The following ERC1 variants were observed in gnomAD, a reference collection of about 807,000 sequenced individuals.
The protein encoded by ERC1 is RAB6 interacting protein 2.
In ERC1, 56 loss-of-function variants were observed where a neutral mutation model predicts 132.0. The ratio of observed to expected loss-of-function variants is 0.42; its 90% CI spans 0.34 to 0.53. ERC1 has a LOEUF of 0.53. ERC1 is among the 20% of genes least tolerant of loss of function. ERC1 has a pLI of 0.03. For missense variants in ERC1, 1,202 were observed against 1,349.9 expected, an observed-to-expected ratio of 0.89 and a Z score of 1.72; for synonymous variants, 478 against 476.1, an observed-to-expected ratio of 1.00 and a Z score of -0.05.
chr12:1,462,169 T>C (rs1453430912), intron 18 of ERC1, among the ~76,000 whole-genome samples: 1 of 152,160 alleles, frequency 6.6e-6, no homozygotes, highest in Non-Finnish European at 1.5e-5. Flanking sequence ...CTAAAATAGC[T>C]AAAATTAACA....
At chr12:1,454,605 A>T (rs7964297) in intron 18 of ERC1, among the ~76,000 whole-genome samples, 16,532 of 152,050 alleles carry the variant, frequency 0.11, 3,033 homozygotes, top group African/African-American at 0.38. Context: ...AGTTGTGCCG[A>T]CTCTGTGAGA....
At chr12:1,229,496 T>TA (rs572139895) in intron 12 of ERC1, among the ~76,000 whole-genome samples, 68 of 151,526 alleles carry the variant, frequency 4.5e-4, no homozygotes, top group Admixed American at 1.1e-3. Context: ...GAATCTCTTT[T>TA]AAAAAAAAAG....
intron 8 of ERC1, among the ~76,000 whole-genome samples, chr12:1,170,082 GAAA>G (rs540807965): frequency 3.3e-5 from 5 of 152,120 alleles, no homozygotes; most frequent in African/African-American, 1.2e-4. Context: ...GCTATAAAAA[GAAA>G]AAAATCTGTG....
intron 18 of ERC1, chr12:1,481,027 C>A: frequency 1.7e-6 from 1 of 598,006 alleles, no homozygotes; most frequent in Non-Finnish European, 3.0e-6. Context: ...TACATATATA[C>A]CTGAGATAAA....
chr12:1,196,649 A>G (rs1956266035), intron 12 of ERC1, among the ~76,000 whole-genome samples: 1 of 151,650 alleles, frequency 6.6e-6, no homozygotes, highest in Non-Finnish European at 1.5e-5. Flanking sequence ...ACACACCACC[A>G]TGCCCAGCTA....
At chr12:1,358,468 G>A (rs2085756192) in intron 15 of ERC1, among the ~76,000 whole-genome samples, 2 of 152,122 alleles carry the variant, frequency 1.3e-5, no homozygotes, top group African/African-American at 4.8e-5. Flanking sequence ...TCTTGGCAAG[G>A]ATGTAGGGAA....
intron 1 of ERC1, among the ~76,000 whole-genome samples, chr12:1,017,495 A>ATTTTTTTTTTTTTTTTTTTTTTTTTTT (rs67654163): frequency 8.0e-6 from 1 of 124,906 alleles, no homozygotes; most frequent in Non-Finnish European, 1.7e-5. Flanking sequence ...TTGTTCTGGT[A>ATTTTTTTTTTTTTTTTTTTTTTTTTTT]TTTTTTTTTT....
intron 16 of ERC1, among the ~76,000 whole-genome samples, chr12:1,382,393 C>T (rs2088787777): frequency 6.6e-6 from 1 of 152,198 alleles, no homozygotes; most frequent in Admixed American, 6.5e-5. Flanking sequence ...CTCTCGTGAC[C>T]ATGTCAGATG....
At chr12:1,352,702 A>T (rs1277431690) in intron 15 of ERC1, among the ~76,000 whole-genome samples, 1 of 150,748 alleles carries the variant, frequency 6.6e-6, no homozygotes, top group African/African-American at 2.5e-5. Flanking sequence ...CCATGCACAT[A>T]GTGGTCGCAG....
At chr12:1,097,644 G>T (rs1944206069) in intron 3 of ERC1, among the ~76,000 whole-genome samples, 1 of 152,054 alleles carries the variant, frequency 6.6e-6, no homozygotes, top group South Asian at 2.1e-4. Context: ...GACTCAAGGG[G>T]ACCCTTGTCA....
intron 17 of ERC1, among the ~76,000 whole-genome samples, chr12:1,420,975 TTTA>T (rs1284107590): frequency 4.6e-5 from 7 of 151,936 alleles, no homozygotes; most frequent in East Asian, 1.9e-4. Context: ...AATCTTTTCC[TTTA>T]TTATTATTTT....
At chr12:1,458,730 G>C (rs1388854164) in intron 18 of ERC1, among the ~76,000 whole-genome samples, 2 of 152,074 alleles carry the variant, frequency 1.3e-5, no homozygotes, top group African/African-American at 4.8e-5. Flanking sequence ...TAGAGACAGG[G>C]TTCCTCCATG....
At chr12:1,234,342 G>A (rs2075273316) in intron 12 of ERC1, among the ~76,000 whole-genome samples, 1 of 152,176 alleles carries the variant, frequency 6.6e-6, no homozygotes, top group South Asian at 2.1e-4. Context: ...GTAAACAACT[G>A]CTACTTTCCA....
At chr12:1,397,962 G>A (rs2154385715) in intron 16 of ERC1, among the ~76,000 whole-genome samples, 1 of 152,188 alleles carries the variant, frequency 6.6e-6, no homozygotes, top group East Asian at 1.9e-4. Flanking sequence ...GTACATCTCA[G>A]TAGGATAAAC....
chr12:1,407,498 G>A (rs2091576518), intron 16 of ERC1, among the ~76,000 whole-genome samples: 1 of 151,970 alleles, frequency 6.6e-6, no homozygotes, highest in Non-Finnish European at 1.5e-5. Flanking sequence ...ACAAGCCTGG[G>A]CAACATAGTG....
chr12:1,142,174 C>T (rs757962574), intron 8 of ERC1, among the ~76,000 whole-genome samples: 62 of 152,068 alleles, frequency 4.1e-4, no homozygotes, highest in Admixed American at 7.2e-4. Flanking sequence ...AATTTTAAGC[C>T]GAGACCAGTA....
intron 16 of ERC1, among the ~76,000 whole-genome samples, chr12:1,379,645 G>A (rs1442274821): frequency 6.6e-6 from 1 of 152,190 alleles, no homozygotes; most frequent in African/African-American, 2.4e-5. Flanking sequence ...GTGACTGAGG[G>A]TCAGGAATTT....
chr12:1,218,779 C>G (rs1177402532), intron 12 of ERC1, among the ~76,000 whole-genome samples: 1 of 151,546 alleles, frequency 6.6e-6, no homozygotes, highest in Non-Finnish European at 1.5e-5. Context: ...CTGCCACTTT[C>G]CTCTAGACCT....
chr12:1,457,499 C>G (rs987741824), intron 18 of ERC1, among the ~76,000 whole-genome samples: 2 of 152,002 alleles, frequency 1.3e-5, no homozygotes, highest in African/African-American at 4.8e-5. Flanking sequence ...AAACCGTTTT[C>G]TAGGAGACCG....
Sources: gnomAD v4.1 joint callset for allele counts (sites outside exome capture counted in the v4.1 genomes callset) on GRCh38, gnomAD v4.1.1 for gene constraint, MANE v1.5 for transcripts, NCBI Gene and HGNC (gene_info 2026-07-23, HGNC 2026-07-21) for gene names.